METAP1D: variants seen among roughly 807,000 people sequenced by gnomAD.
The protein encoded by METAP1D is methionyl aminopeptidase type 1D, mitochondrial.
METAP1D carries 31 observed loss-of-function variants against 40.5 expected under a neutral mutation model. That is an observed-to-expected ratio of 0.77 (90% confidence interval 0.58 to 1.03). The LOEUF is 1.03. Ranked by LOEUF, METAP1D falls within the 50% of genes least tolerant of loss-of-function variation. METAP1D has a pLI of 0.00. For missense variants in METAP1D, 411 were observed against 420.7 expected (o/e 0.98, Z 0.20); for synonymous variants, 151 against 146.4 (o/e 1.03, Z -0.22).
chr2:172,010,282 A>C (rs112077948), intron 1 of METAP1D, among the ~76,000 whole-genome samples: 24 of 151,510 alleles, frequency 1.6e-4, no homozygotes, highest in African/African-American at 5.3e-4. Flanking sequence ...CTGGGACTAC[A>C]GGTGCACACC....
intron 1 of METAP1D, among the ~76,000 whole-genome samples, chr2:172,031,406 G>T (rs544195047): frequency 6.6e-6 from 1 of 152,206 alleles, no homozygotes; most frequent in South Asian, 2.1e-4. Context: ...GCTTTAGGTT[G>T]TAGGAAAGGT....
intron 1 of METAP1D, among the ~76,000 whole-genome samples, chr2:172,045,771 G>A (rs13003018): frequency 4.7e-5 from 4 of 85,810 alleles, no homozygotes; most frequent in African/African-American, 4.7e-5. Flanking sequence ...GTGTATATAT[G>A]TATATATGTG....
chr2:172,063,591 G>A (rs767174075), intron 2 of METAP1D, 120 bp from the exon 3 acceptor site: 43 of 771,258 alleles, frequency 5.6e-5, no homozygotes, highest in Non-Finnish European at 8.1e-5. Context: ...TGCTGGCTTC[G>A]GAGGTCGGTG....
At chr2:172,018,740 C>T (rs1269079571) in intron 1 of METAP1D, among the ~76,000 whole-genome samples, 2 of 151,946 alleles carry the variant, frequency 1.3e-5, no homozygotes, top group Non-Finnish European at 1.5e-5. Context: ...CCCCCCATCC[C>T]CCCCTCACCC....
rs751133215 is a variant in METAP1D at position 172,043,811 on chromosome 2, T to C, written c.41-17687T>C. ...AAAGAAGACGTTAAATATTTTAGAG[T>C]CAACTGGACATGGTGGCTCACGCCT... On this transcript the variant is annotated intron_variant, in intron 1 of 9. Transcript: ENST00000315796. 3.7e-5 allele frequency among the ~76,000 whole-genome samples: 5 copies of C among 135,014 alleles called. 2 individuals are homozygous for C. Among genetic ancestry groups the C allele is most frequent in the Non-Finnish European group, 8.7e-5 (5 of 57,800 alleles). The allele number at this position is 135,014 out of a possible 152,430, so 88.6% of individuals were successfully genotyped here.
intron 5 of METAP1D, among the ~76,000 whole-genome samples, chr2:172,067,919 C>T (rs1336803522): frequency 1.3e-5 from 2 of 152,124 alleles, no homozygotes; most frequent in African/African-American, 2.4e-5. Context: ...GTGAAGGACT[C>T]CATTATCAGA....
chr2:172,018,447 T>C (rs1284248216), intron 1 of METAP1D, among the ~76,000 whole-genome samples: 1 of 152,130 alleles, frequency 6.6e-6, no homozygotes, highest in Non-Finnish European at 1.5e-5. Flanking sequence ...TTCCCAGGAA[T>C]CAACTGGTGG....
chr2:172,049,019 C>T (rs900727290), intron 1 of METAP1D, among the ~76,000 whole-genome samples: 2 of 152,136 alleles, frequency 1.3e-5, no homozygotes, highest in Non-Finnish European at 2.9e-5. Flanking sequence ...GGGTTTCGCT[C>T]TGTTGCCTAG....
At chr2:172,070,427 C>G (rs1032786412) in intron 5 of METAP1D, among the ~76,000 whole-genome samples, 2 of 152,160 alleles carry the variant, frequency 1.3e-5, no homozygotes, top group Non-Finnish European at 2.9e-5. Flanking sequence ...ACATGTCTAT[C>G]TTACTTCTTC....
At chr2:172,077,406 T>A (rs140925426) in intron 6 of METAP1D, among the ~76,000 whole-genome samples, 20 of 152,330 alleles carry the variant, frequency 1.3e-4, no homozygotes, top group South Asian at 6.2e-4. Context: ...AGTCTTTTTG[T>A]GAAACCTCAA....
At chr2:172,018,332 G>C (rs1688928286) in intron 1 of METAP1D, among the ~76,000 whole-genome samples, 1 of 151,882 alleles carries the variant, frequency 6.6e-6, no homozygotes, top group Non-Finnish European at 1.5e-5. Context: ...GAGACAACAG[G>C]AAACAAGCAA....
At chr2:172,045,273 AAAAC>A (rs1689711283) in intron 1 of METAP1D, among the ~76,000 whole-genome samples, 1 of 134,222 alleles carries the variant, frequency 7.5e-6, no homozygotes, top group Non-Finnish European at 1.7e-5. Context: ...AAATCAAACC[AAAAC>A]AAAAAGGACC....
At chr2:172,030,576 C>T (rs1689219391) in intron 1 of METAP1D, among the ~76,000 whole-genome samples, 2 of 152,204 alleles carry the variant, frequency 1.3e-5, no homozygotes, top group Non-Finnish European at 2.9e-5. Context: ...CACTGGAAAG[C>T]ATCTTTCTAA....
Position 172,046,518 on chromosome 2 carries a change from T to TA in METAP1D, c.41-14975dup. Among the ~76,000 whole-genome samples the TA allele has an allele frequency of 3.3e-5, 5 of 152,346 alleles. 2 individuals are homozygous for TA. The highest frequency in any genetic ancestry group is 1.2e-4 in the African/African-American group (5 of 41,586). On this transcript the variant is annotated intron_variant, in intron 1 of 9. Transcript: ENST00000315796. Reference sequence around the variant, plus strand: ...AAACTCTTCAAATGGTAATTGTCAGTAAAAACAACTTTTAAACCAAAACAA... The same window carrying TA: ...AAACTCTTCAAATGGTAATTGTCAGTAAAAAACAACTTTTAAACCAAAACAA...
At chr2:172,053,579 C>G (rs1023249650) in intron 1 of METAP1D, among the ~76,000 whole-genome samples, 2 of 152,142 alleles carry the variant, frequency 1.3e-5, no homozygotes, top group African/African-American at 4.8e-5. Flanking sequence ...CTCTCTTCAT[C>G]CAAAATAATT....
In METAP1D at chr2:172,080,422, T is replaced by C; in HGVS notation, c.*16T>C. The C allele has an allele frequency of 1.2e-6, 2 of 1,613,466 alleles. No homozygotes were observed. The highest frequency in any genetic ancestry group is 1.7e-6 in the Non-Finnish European group (2 of 1,179,482). ...TGAGGCCTGAGGAGCCGCCCGAAGG[T>C]CGCGGTGACCTGGTGCCTTTTTAAA... On this transcript the variant is annotated 3_prime_UTR_variant, in exon 10 of 10. Coordinates refer to ENST00000315796, the MANE Select transcript of METAP1D (RefSeq NM_199227.3).
At chr2:172,029,688 G>A (rs910042913) in intron 1 of METAP1D, among the ~76,000 whole-genome samples, 17 of 151,988 alleles carry the variant, frequency 1.1e-4, no homozygotes, top group South Asian at 2.1e-4. Context: ...AAAAATAACC[G>A]CCTCAAACTC....
Position 172,065,762 on chromosome 2 carries a change from T to A in METAP1D, c.497+10T>A. ...ATGGTATTCCTGACAGGTATTCAGT[T>A]CTTAATAACATATTGTTCCTTTGGA... On this transcript the variant is annotated intron_variant, in intron 4 of 9. Transcript: ENST00000315796. 6.2e-7 allele frequency: 1 copy of A among 1,611,720 alleles called. No homozygotes were observed. Among genetic ancestry groups the A allele is most frequent in the Non-Finnish European group, 8.5e-7 (1 of 1,179,168 alleles).
intron 7 of METAP1D, among the ~76,000 whole-genome samples, chr2:172,078,150 G>A (rs1690594832): frequency 6.6e-6 from 1 of 152,130 alleles, no homozygotes; most frequent in African/African-American, 2.4e-5. Flanking sequence ...AGGGTGCATG[G>A]CTGGAAGGCA....
Sources: allele counts gnomAD v4.1 joint callset (sites outside exome capture counted in the v4.1 genomes callset), GRCh38; gene constraint gnomAD v4.1.1; transcripts MANE v1.5; gene names NCBI Gene and HGNC (gene_info 2026-07-23, HGNC 2026-07-21).